P2RY8: variants seen among roughly 807,000 people sequenced by gnomAD.
The protein encoded by P2RY8 is P2Y receptor family member 8.
P2RY8 carries 6 observed loss-of-function variants against 10.0 expected under a neutral mutation model. That is an observed-to-expected ratio of 0.60 (90% CI 0.33 to 1.19). The LOEUF is 1.19. Among genes scored for constraint, P2RY8 ranks in the 50% most tolerant of loss-of-function variants. P2RY8 has a pLI of 0.04. For missense variants in P2RY8, 456 were observed against 542.0 expected, an observed-to-expected ratio of 0.84 and a Z score of 1.58; for synonymous variants, 276 against 252.5, an observed-to-expected ratio of 1.09 and a Z score of -0.88.
chrX:1,506,966 G>A (rs1191304794), intron 1 of P2RY8, among the ~76,000 whole-genome samples: 3 of 55,044 alleles, frequency 5.5e-5, no homozygotes, highest in Admixed American at 1.8e-4. Flanking sequence ...GTGAGCCACC[G>A]CGCCCGGCCA....
Position 1,518,399 on chromosome X carries a change from G to C in P2RY8, c.-25+18522C>G, listed in dbSNP as rs1309042437. On this transcript the variant is annotated intron_variant, in intron 1 of 1. Coordinates refer to ENST00000381297, the MANE Select transcript of P2RY8 (RefSeq NM_178129.5). ...TGAGACTGTGCCACTGCACTCCAGCGTGGGTGACAGAGCGAGACTCCGTCT... is the reference window on the plus strand; with the variant it reads ...TGAGACTGTGCCACTGCACTCCAGCCTGGGTGACAGAGCGAGACTCCGTCT... Among the ~76,000 whole-genome samples the C allele has an allele frequency of 1.3e-4, 19 of 144,878 alleles. 1 individual carries two copies. The highest frequency in any genetic ancestry group is 3.5e-4 in the Admixed American group (5 of 14,232).
intron 1 of P2RY8, among the ~76,000 whole-genome samples, chrX:1,484,208 C>T (rs1355713487): frequency 6.6e-6 from 1 of 152,120 alleles, no homozygotes; most frequent in African/African-American, 2.4e-5. Context: ...TGACGGGAAC[C>T]CTCAGCTGTG....
At chrX:1,521,236 C>T (rs139515460) in intron 1 of P2RY8, among the ~76,000 whole-genome samples, 4,554 of 151,906 alleles carry the variant, frequency 0.03, 102 homozygotes, top group Non-Finnish European at 0.048. Flanking sequence ...TTAGTAGAGA[C>T]GGAGTTTCAC....
chrX:1,465,477 A>T lies in P2RY8; in HGVS notation c.*2T>A, dbSNP rs139425196. 2.6e-4 allele frequency: 412 copies of T among 1,598,838 alleles called. No homozygotes were observed. Among genetic ancestry groups the T allele is most frequent in the Non-Finnish European group, 3.4e-4 (394 of 1,172,750 alleles). ...CGGCTCTCCAAGCTGCGCCCCCGGG[A>T]CTCAGAACACACTCTCCTGCCTCTG... On this transcript the variant is annotated 3_prime_UTR_variant, in exon 2 of 2. Transcript: ENST00000381297.
rs1340124172 is a variant in P2RY8 at position 1,466,185 on chromosome X, A to C, written c.374T>G (p.Val125Gly). The C allele has an allele frequency of 6.2e-7, 1 of 1,612,708 alleles. No homozygotes were observed. The change falls in exon 2 of 2, where the codon GTC becomes GGC. Residue 125 changes from valine to glycine, a missense_variant. Physicochemically the swap from Val to Gly is moderately radical, Grantham distance 109 (BLOSUM62 -3). Coordinates refer to ENST00000381297, the MANE Select transcript of P2RY8 (RefSeq NM_178129.5). Reference protein sequence around the residue: ...TCISVERFLGVLYPLSSKRWR... With the variant: ...TCISVERFLGGLYPLSSKRWR... ...GCGCTTGGAGCTGAGCGGGTACAGG[A>C]CCCCCAGGAAGCGCTCCACGCTGAT...
intron 1 of P2RY8, among the ~76,000 whole-genome samples, chrX:1,522,906 T>C (rs1361557018): frequency 1.3e-5 from 2 of 150,778 alleles, no homozygotes; most frequent in Non-Finnish European, 2.9e-5. Flanking sequence ...CCATCTCTAC[T>C]AAAAATACAA....
At chrX:1,515,042 G>A (rs2092335098) in intron 1 of P2RY8, among the ~76,000 whole-genome samples, 1 of 149,548 alleles carries the variant, frequency 6.7e-6, no homozygotes, top group South Asian at 2.2e-4. Flanking sequence ...TAGAGTAGCT[G>A]GGATTACAGG....
At chrX:1,530,255 AC>A (rs2092464961) in intron 1 of P2RY8, among the ~76,000 whole-genome samples, 1 of 149,880 alleles carries the variant, frequency 6.7e-6, no homozygotes, top group Admixed American at 6.7e-5. Flanking sequence ...TATCTCTATT[AC>A]CTATCATCAC....
intron 1 of P2RY8, among the ~76,000 whole-genome samples, chrX:1,525,835 A>C (rs2092436181): frequency 6.6e-6 from 1 of 151,960 alleles, no homozygotes; most frequent in Non-Finnish European, 1.5e-5. Context: ...TCATTTATTC[A>C]TGCATCCATT....
intron 1 of P2RY8, among the ~76,000 whole-genome samples, chrX:1,474,343 G>GTGGATGGATGGATGGATGGA (rs779596494): frequency 1.5e-4 from 18 of 121,044 alleles, no homozygotes; most frequent in Admixed American, 4.2e-4. Context: ...GTATGGGTGT[G>GTGGATGGATGGATGGATGGA]TGGATGGATG....
chrX:1,527,080 A>T (rs1488091965), intron 1 of P2RY8, among the ~76,000 whole-genome samples: 1 of 152,060 alleles, frequency 6.6e-6, no homozygotes, highest in Non-Finnish European at 1.5e-5. Context: ...TTTTTAGTAG[A>T]GACGGGGTTT....
At chrX:1,475,129 GGA>G in intron 1 of P2RY8, among the ~76,000 whole-genome samples, 2 of 150,984 alleles carry the variant, frequency 1.3e-5, no homozygotes, top group African/African-American at 4.9e-5. Flanking sequence ...GTGGGTGGAT[GGA>G]TGGATCAGTG....
At chrX:1,514,731 CCTTCCCTT>C (rs1248232482) in intron 1 of P2RY8, among the ~76,000 whole-genome samples, 19 of 1,456 alleles carry the variant, frequency 0.013, 3 homozygotes, top group East Asian at 0.17. Context: ...CCCTTCCCTT[CCTTCCCTT>C]CCTTCCCTTC....
chrX:1,530,273 C>CTATCTATCTATA lies in P2RY8; in HGVS notation c.-25+6647_-25+6648insTATAGATAGATA, dbSNP rs1460369864. The stretch of plus-strand genomic sequence containing the variant: ...CTCTATTACCTATCATCACCATTAT[C>CTATCTATCTATA]TATCTATCTATCTATCTATCTATCT... On this transcript the variant is annotated intron_variant, in intron 1 of 1. Transcript: ENST00000381297. Among the ~76,000 whole-genome samples, 211 of 113,760 alleles carry CTATCTATCTATA rather than the reference C, an allele frequency of 1.9e-3. 1 individual carries two copies. The highest frequency in any genetic ancestry group is 3.2e-3 in the Non-Finnish European group (160 of 49,688). The allele number at this position is 113,760 out of a possible 152,430, so 74.6% of individuals were successfully genotyped here. A position where few individuals can be genotyped will look rare whatever the true frequency, so the allele number is the denominator to read the frequency against.
chrX:1,498,343 T>G (rs753851917), intron 1 of P2RY8, among the ~76,000 whole-genome samples: 1 of 144,272 alleles, frequency 6.9e-6, no homozygotes, highest in Non-Finnish European at 1.5e-5. Context: ...GAGGCGGAGC[T>G]TGCAGTGAGC....
At chrX:1,466,639 G>A (rs1478850265) in intron 1 of P2RY8, 57 bp from the exon 2 acceptor site, 3 of 1,492,900 alleles carry the variant, frequency 2.0e-6, no homozygotes, top group East Asian at 4.5e-5. Context: ...AGAGGCGGCT[G>A]CCGGGAGGGC....
At chrX:1,507,946 G>A (rs62603032) in intron 1 of P2RY8, among the ~76,000 whole-genome samples, 39,746 of 151,578 alleles carry the variant, frequency 0.26, 6,086 homozygotes, top group Non-Finnish European at 0.36. Flanking sequence ...GCAGCCGGGC[G>A]GGACCAGGCG....
chrX:1,502,285 C>T (rs1306143438), intron 1 of P2RY8, among the ~76,000 whole-genome samples: 1 of 152,112 alleles, frequency 6.6e-6, no homozygotes, highest in African/African-American at 2.4e-5. Flanking sequence ...GATACACGAG[C>T]AAGAACATGG....
intron 1 of P2RY8, among the ~76,000 whole-genome samples, chrX:1,496,668 C>G (rs1286388496): frequency 6.6e-6 from 1 of 151,492 alleles, no homozygotes; most frequent in Non-Finnish European, 1.5e-5. Context: ...GGAAGATATT[C>G]AACACTGCTT....
Sources: gnomAD v4.1 joint callset for allele counts (sites outside exome capture counted in the v4.1 genomes callset) on GRCh38, gnomAD v4.1.1 for gene constraint, MANE v1.5 for transcripts, NCBI Gene and HGNC (gene_info 2026-07-23, HGNC 2026-07-21) for gene names.